IQSEC3: variants seen among roughly 807,000 people sequenced by gnomAD.
The protein encoded by IQSEC3 is IQ motif and Sec7 domain ArfGEF 3.
Under a neutral mutation model 105.4 loss-of-function variants are expected in IQSEC3, and 50 were observed. The ratio of observed to expected loss-of-function variants is 0.47; its 90% CI spans 0.38 to 0.60. IQSEC3 has a LOEUF of 0.60. IQSEC3 is among the 20% of genes least tolerant of loss of function. IQSEC3 has a pLI of 0.00. For synonymous variants in IQSEC3, 708 were observed against 746.0 expected, an observed-to-expected ratio of 0.95 and a Z score of 0.83; for missense variants, 1,415 against 1,630.0, an observed-to-expected ratio of 0.87 and a Z score of 2.27.
chr12:137,429 A>AGT (rs1555086756), intron 3 of IQSEC3: 1 of 150,666 alleles, frequency 6.6e-6, no homozygotes, highest in East Asian at 1.9e-4. Flanking sequence ...ATTGTTTTAA[A>AGT]GTGTGCACAA....
intron 2 of IQSEC3, among the ~76,000 whole-genome samples, chr12:115,448 G>C (rs1555080439): frequency 6.6e-6 from 1 of 152,148 alleles, no homozygotes. Context: ...ATGCACACAT[G>C]ATTTGTGTGG....
In IQSEC3 at chr12:157,542, T is replaced by A. The variant is rs562871449; in HGVS notation, c.2291T>A (p.Met764Lys). 6.2e-7 allele frequency: 1 copy of A among 1,613,674 alleles called. No homozygotes were observed. Among genetic ancestry groups the A allele is most frequent in the African/African-American group, 1.3e-5 (1 of 74,936 alleles). Residue 764 changes from methionine (M) to lysine (K), a missense_variant, in exon 7 of 14, where the codon ATG becomes AAG. Met to Lys is a moderately conservative substitution (Grantham distance 95). Transcript: ENST00000538872. ...LIEAFSQRYC[M>K]CNPEVVQQFH... Reference sequence around the variant, plus strand: ...CCCCCCCACAGCCAGCGCTACTGCATGTGCAACCCCGAAGTGGTTCAGCAG... The same window carrying A: ...CCCCCCCACAGCCAGCGCTACTGCAAGTGCAACCCCGAAGTGGTTCAGCAG...
intron 7 of IQSEC3, 40 bp from the exon 8 acceptor site, chr12:161,886 C>T (rs886341735): frequency 1.4e-6 from 2 of 1,415,938 alleles, no homozygotes; most frequent in Non-Finnish European, 1.9e-6. Flanking sequence ...CACCCTCCCT[C>T]CCAACCCCAC....
intron 1 of IQSEC3, among the ~76,000 whole-genome samples, chr12:89,096 G>T (rs570417752): frequency 6.6e-6 from 1 of 152,178 alleles, no homozygotes; most frequent in East Asian, 1.9e-4. Context: ...TGCATCTCCA[G>T]CCCAGAGCTG....
intron 1 of IQSEC3, among the ~76,000 whole-genome samples, chr12:96,279 G>A (rs1591647371): frequency 6.6e-6 from 1 of 152,328 alleles, no homozygotes; most frequent in Admixed American, 6.5e-5. Flanking sequence ...AGAAGGGAGT[G>A]TCTGGGTTAA....
rs1867151516 is a variant in IQSEC3, at chr12:165,898, C to T, written c.2971+8C>T. 2.5e-6 allele frequency: 4 copies of T among 1,610,440 alleles called. No individual in the cohort carries two copies. Among genetic ancestry groups the T allele is most frequent in the Middle Eastern group, 1.7e-4 (1 of 6,044 alleles). On this transcript the variant is annotated splice_region_variant and intron_variant, in intron 11 of 13. Transcript: ENST00000538872. ...AGCAGATCCGAATAGAGTGTAAGGACACGGGCTCCCGAGGCAGCTGGTGGG... is the reference window on the plus strand; with the variant it reads ...AGCAGATCCGAATAGAGTGTAAGGATACGGGCTCCCGAGGCAGCTGGTGGG...
chr12:120,196 A>G (rs1016639272), intron 2 of IQSEC3, among the ~76,000 whole-genome samples: 1 of 152,226 alleles, frequency 6.6e-6, no homozygotes, highest in Admixed American at 6.5e-5. Context: ...GAATTGTTAG[A>G]GCATAGAGGA....
chr12:116,402 C>T (rs1359694315), intron 2 of IQSEC3, among the ~76,000 whole-genome samples: 3 of 152,188 alleles, frequency 2.0e-5, no homozygotes, highest in Non-Finnish European at 4.4e-5. Flanking sequence ...CCAGCTGCCT[C>T]TCCTGTGGAG....
In IQSEC3 at chr12:163,592, G is replaced by T; in HGVS notation, c.2682G>T (p.Glu894Asp). The T allele has an allele frequency of 1.9e-6, 3 of 1,565,098 alleles. No homozygotes were observed. Among genetic ancestry groups the T allele is most frequent in the Non-Finnish European group, 2.6e-6 (3 of 1,136,196 alleles). Residue 894 changes from glutamate (E) to aspartate (D), a missense_variant, in exon 9 of 14, where the codon GAG becomes GAT. This residue lies in a region of IQSEC3 where 419 missense variants were observed against 436.2 expected (regional missense o/e 0.96). Coordinates refer to ENST00000538872, the MANE Select transcript of IQSEC3 (RefSeq NM_001170738.2). ...KLQKQAAHQR[E>D]VFLFNDLLVI... ...AGAAGCAGGCAGCGCATCAGAGGGA[G>T]GTGTTCCTCTTCAATGACCTGCTGG... is the stretch of plus-strand genomic sequence containing the variant.
Position 174,837 on chromosome 12 carries a change from T to A in IQSEC3, c.3353T>A (p.Leu1118His). 6.3e-7 allele frequency: 1 copy of A among 1,581,410 alleles called. No individual in the cohort carries two copies. Among genetic ancestry groups the A allele is most frequent in the Non-Finnish European group, 8.5e-7 (1 of 1,172,354 alleles). Reference protein sequence around the residue: ...ARMEPLLSQALSCYTSSSSDS... With the variant: ...ARMEPLLSQAHSCYTSSSSDS... ...ATGGAGCCCCTGCTGAGCCAGGCTCTCTCCTGCTACACCTCGTCGTCCTCT... is the reference window on the plus strand; with the variant it reads ...ATGGAGCCCCTGCTGAGCCAGGCTCACTCCTGCTACACCTCGTCGTCCTCT... Residue 1118 changes from leucine (L) to histidine (H), a missense_variant, in exon 14 of 14, where the codon CTC becomes CAC. By Grantham distance (99) the Leu-to-His change is moderately conservative (BLOSUM62 -3). Transcript: ENST00000538872.
chr12:165,073 G>T (rs1555097785), intron 9 of IQSEC3, among the ~76,000 whole-genome samples: 1 of 152,210 alleles, frequency 6.6e-6, no homozygotes, highest in Non-Finnish European at 1.5e-5. Flanking sequence ...GCTGTGGAGT[G>T]GGAACAGTGT....
At chr12:117,898 G>T (rs1865100979) in intron 2 of IQSEC3, among the ~76,000 whole-genome samples, 1 of 152,230 alleles carries the variant, frequency 6.6e-6, no homozygotes, top group African/African-American at 2.4e-5. Flanking sequence ...CATGGCAGGG[G>T]AGGCTTATGC....
At chr12:107,555 G>A (rs1267902240) in intron 2 of IQSEC3, among the ~76,000 whole-genome samples, 1 of 151,712 alleles carries the variant, frequency 6.6e-6, no homozygotes, top group Non-Finnish European at 1.5e-5. Flanking sequence ...GACTACAGGT[G>A]CCCGCCACCG....
chr12:162,265 G>A (rs1168955009), intron 8 of IQSEC3, among the ~76,000 whole-genome samples, 200 bp downstream of exon 8: 1 of 151,066 alleles, frequency 6.6e-6, no homozygotes, highest in African/African-American at 2.4e-5. Context: ...CTTGCCACCC[G>A]ATACTGCAGC....
chr12:149,860 G>A (rs1866435795), intron 5 of IQSEC3, among the ~76,000 whole-genome samples: 1 of 152,146 alleles, frequency 6.6e-6, no homozygotes, highest in Non-Finnish European at 1.5e-5. Context: ...ACCATGCTGG[G>A]GAAGCGGCGA....
At chr12:76,915 C>T (rs1863554957) in intron 1 of IQSEC3, among the ~76,000 whole-genome samples, 1 of 152,266 alleles carries the variant, frequency 6.6e-6, no homozygotes, top group Non-Finnish European at 1.5e-5. Flanking sequence ...AACCACCTGC[C>T]TCCAATCAGG....
At chr12:103,483 A>G (rs1165214971) in intron 2 of IQSEC3, among the ~76,000 whole-genome samples, 1 of 26,274 alleles carries the variant, frequency 3.8e-5, no homozygotes, top group African/African-American at 1.5e-4. Context: ...TCAGGAGGGG[A>G]GGCGGGGCTC....
chr12:118,638 TAGG>T (rs1214157940), intron 2 of IQSEC3, among the ~76,000 whole-genome samples: 1 of 150,850 alleles, frequency 6.6e-6, no homozygotes, highest in East Asian at 1.9e-4. Flanking sequence ...ATTGCCGAGA[TAGG>T]AGAACAGCCC....
chr12:107,556 C>T (rs1194201146), intron 2 of IQSEC3, among the ~76,000 whole-genome samples: 1 of 151,774 alleles, frequency 6.6e-6, no homozygotes, highest in African/African-American at 2.4e-5. Flanking sequence ...ACTACAGGTG[C>T]CCGCCACCGT....
Sources: allele counts gnomAD v4.1 joint callset (sites outside exome capture counted in the v4.1 genomes callset), GRCh38; gene constraint gnomAD v4.1.1; regional missense constraint gnomAD v4.1.1; transcripts MANE v1.5; gene names NCBI Gene and HGNC (gene_info 2026-07-23, HGNC 2026-07-21).